The following HS3ST4 variants were observed in gnomAD, a reference collection of about 807,000 sequenced individuals.
HS3ST4 encodes heparan sulfate glucosamine 3-O-sulfotransferase 4.
A neutral mutation model predicts 29.2 loss-of-function variants in HS3ST4; 17 were observed. The ratio of observed to expected loss-of-function variants is 0.58; its 90% CI spans 0.40 to 0.87. The LOEUF (loss-of-function observed/expected upper bound fraction) is 0.87. Among genes scored for constraint, HS3ST4 ranks in the 40% least tolerant of loss-of-function variants. The pLI, the probability that HS3ST4 is intolerant of heterozygous loss-of-function variation, is 0.00. For missense variants in HS3ST4, 627 were observed against 634.5 expected, an observed-to-expected ratio of 0.99 and a Z score of 0.13; for synonymous variants, 314 against 285.7, an observed-to-expected ratio of 1.10 and a Z score of -1.00.
At chr16:25,984,145 C>T (rs1240645809) in intron 1 of HS3ST4, among the ~76,000 whole-genome samples, 1 of 152,126 alleles carries the variant, frequency 6.6e-6, no homozygotes, top group Admixed American at 6.5e-5. Context: ...AGTCATCCTG[C>T]AGTGCTATAG....
At chr16:25,721,502 G>C (rs1332657876) in intron 1 of HS3ST4, among the ~76,000 whole-genome samples, 1 of 152,086 alleles carries the variant, frequency 6.6e-6, no homozygotes, top group Non-Finnish European at 1.5e-5. Context: ...TGCATTCAAA[G>C]GAATTAACAT....
At chr16:26,114,891 TACTC>T (rs1899180966) in intron 1 of HS3ST4, among the ~76,000 whole-genome samples, 1 of 152,018 alleles carries the variant, frequency 6.6e-6, no homozygotes, top group South Asian at 2.1e-4. Flanking sequence ...ATTAGGGAAA[TACTC>T]AAGAAAATGC....
At chr16:25,841,005 T>C (rs1967406911) in intron 1 of HS3ST4, among the ~76,000 whole-genome samples, 1 of 145,592 alleles carries the variant, frequency 6.9e-6, no homozygotes, top group Non-Finnish European at 1.5e-5. Flanking sequence ...TTTATTTATT[T>C]ATTTATTTAT....
At chr16:25,770,935 A>T (rs1438071662) in intron 1 of HS3ST4, among the ~76,000 whole-genome samples, 1 of 151,972 alleles carries the variant, frequency 6.6e-6, no homozygotes, top group Non-Finnish European at 1.5e-5. Flanking sequence ...CCTCAGGATG[A>T]TCCTGGGACG....
chr16:25,698,940 C>CT (rs1447435086), intron 1 of HS3ST4, among the ~76,000 whole-genome samples: 16 of 152,206 alleles, frequency 1.1e-4, no homozygotes, highest in African/African-American at 3.6e-4. Flanking sequence ...TGCAGTCTAG[C>CT]TACTTTTTTC....
chr16:26,104,940 C>G lies in HS3ST4; in HGVS notation c.735-30672C>G, dbSNP rs187783659. The stretch of plus-strand genomic sequence containing the variant: ...CTGTTGATGCTGCCACATCTCATCA[C>G]ATCTCCAACACATTTATCTTCATCC... On this transcript the variant is annotated intron_variant, in intron 1 of 1. Coordinates refer to ENST00000331351, the MANE Select transcript of HS3ST4 (RefSeq NM_006040.3). Among the ~76,000 whole-genome samples the G allele has an allele frequency of 3.5e-3, 531 of 152,278 alleles. 1 individual carries two copies. The highest frequency in any genetic ancestry group is 5.4e-3 in the Non-Finnish European group (365 of 68,006).
At chr16:25,834,370 C>A (rs1172867777) in intron 1 of HS3ST4, among the ~76,000 whole-genome samples, 1 of 152,112 alleles carries the variant, frequency 6.6e-6, no homozygotes, top group African/African-American at 2.4e-5. Flanking sequence ...AATTACTGGC[C>A]TAGAGAAATT....
At chr16:25,832,048 A>G (rs1967308085) in intron 1 of HS3ST4, among the ~76,000 whole-genome samples, 1 of 152,260 alleles carries the variant, frequency 6.6e-6, no homozygotes, top group South Asian at 2.1e-4. Flanking sequence ...TTGAGGCTGC[A>G]GTGAACCATG....
chr16:25,920,305 T>C (rs1024311198), intron 1 of HS3ST4, among the ~76,000 whole-genome samples: 2 of 152,160 alleles, frequency 1.3e-5, no homozygotes, highest in African/African-American at 4.8e-5. Context: ...ACCACGTTTT[T>C]CTCAAAACTA....
chr16:25,706,970 C>A (rs1303589774), intron 1 of HS3ST4, among the ~76,000 whole-genome samples: 1 of 152,178 alleles, frequency 6.6e-6, no homozygotes, highest in African/African-American at 2.4e-5. Context: ...AGTTGCTCAT[C>A]ATTCTGAGTA....
intron 1 of HS3ST4, among the ~76,000 whole-genome samples, chr16:25,895,530 C>T (rs1015092132): frequency 2.0e-5 from 3 of 151,806 alleles, no homozygotes; most frequent in Admixed American, 2.0e-4. Flanking sequence ...AAACTGGAGC[C>T]GAGACTGTGG....
chr16:25,863,998 C>T (rs1967664769), intron 1 of HS3ST4, among the ~76,000 whole-genome samples: 2 of 150,904 alleles, frequency 1.3e-5, no homozygotes, highest in South Asian at 2.1e-4. Context: ...CAGAGAGCCA[C>T]CTTCCTGCTG....
Position 26,136,776 on chromosome 16 carries a change from T to G in HS3ST4, c.*528T>G. On this transcript the variant is annotated 3_prime_UTR_variant, in exon 2 of 2. Transcript: ENST00000331351. The stretch of plus-strand genomic sequence containing the variant: ...TCCTCCCTCTAAGGTGTTTCTAGTC[T>G]TCTCTTTAAAGGTCTCATCCCACAA... 1 of 157,798 alleles carries G rather than the reference T, an allele frequency of 6.3e-6. No homozygotes were observed. Among genetic ancestry groups the G allele is most frequent in the Non-Finnish European group, 1.4e-5 (1 of 71,152 alleles). 9.8% of individuals were successfully genotyped at this position (157,798 alleles called of 1,614,324 possible). A position where few individuals can be genotyped will look rare whatever the true frequency, so the allele number is the denominator to read the frequency against.
intron 1 of HS3ST4, among the ~76,000 whole-genome samples, chr16:25,748,017 C>G (rs1013632111): frequency 1.3e-5 from 2 of 152,150 alleles, no homozygotes; most frequent in Non-Finnish European, 2.9e-5. Context: ...GTCGCTGAAG[C>G]TGCAGTTGGT....
intron 1 of HS3ST4, among the ~76,000 whole-genome samples, chr16:25,884,832 C>A (rs903211349): frequency 5.3e-5 from 8 of 152,266 alleles, no homozygotes; most frequent in African/African-American, 1.7e-4. Context: ...ACCAAAACTG[C>A]TAGGATTGTT....
At chr16:26,069,404 G>C (rs1898577305) in intron 1 of HS3ST4, among the ~76,000 whole-genome samples, 1 of 152,130 alleles carries the variant, frequency 6.6e-6, no homozygotes, top group South Asian at 2.1e-4. Flanking sequence ...AGGCACCAAG[G>C]GGTCTTCTGA....
chr16:25,980,968 C>G (rs1157454383), intron 1 of HS3ST4, among the ~76,000 whole-genome samples: 1 of 152,096 alleles, frequency 6.6e-6, no homozygotes, highest in Middle Eastern at 3.2e-3. Context: ...TCAGCAGGCT[C>G]TGGGTCATAA....
chr16:26,123,239 AT>A (rs1899300327), intron 1 of HS3ST4, among the ~76,000 whole-genome samples: 1 of 152,202 alleles, frequency 6.6e-6, no homozygotes, highest in African/African-American at 2.4e-5. Context: ...AGATGTTATT[AT>A]CCCCATTTGA....
chr16:26,060,132 C>T (rs913428478), intron 1 of HS3ST4, among the ~76,000 whole-genome samples: 2 of 152,068 alleles, frequency 1.3e-5, no homozygotes, highest in Non-Finnish European at 2.9e-5. Flanking sequence ...ACCCTGAGTC[C>T]GTGCATTAGA....
Sources: gnomAD v4.1 joint callset for allele counts (sites outside exome capture counted in the v4.1 genomes callset) on GRCh38, gnomAD v4.1.1 for gene constraint, MANE v1.5 for transcripts, NCBI Gene and HGNC (gene_info 2026-07-23, HGNC 2026-07-21) for gene names.